Variants in KRT10 observed in about 807,000 individuals in gnomAD.
KRT10 encodes keratin 10.
KRT10 carries 40 observed loss-of-function variants against 59.2 expected under a neutral mutation model. The observed-to-expected ratio is 0.68, with a 90% CI of 0.52 to 0.88. The LOEUF is 0.88. KRT10 is among the 40% of genes least tolerant of loss of function. The pLI is 0.00. For synonymous variants in KRT10, 336 were observed against 310.7 expected, an observed-to-expected ratio of 1.08 and a Z score of -0.86; for missense variants, 719 against 749.1, an observed-to-expected ratio of 0.96 and a Z score of 0.47.
chr17:40,819,181 A>G lies in KRT10; in HGVS notation c.1374-20T>C, dbSNP rs1227574036. 6.3e-6 allele frequency: 10 copies of G among 1,594,284 alleles called. No homozygotes were observed. The highest frequency in any genetic ancestry group is 4.0e-5 in the African/African-American group (3 of 74,632). ...CCGGAACTAAACGGGGTGAGGTCAC[A>G]TTCGGTTATCTCTAACGTTGGAAAA... On this transcript the variant is annotated intron_variant, in intron 6 of 7. Transcript: ENST00000269576.
At chr17:40,820,216 A>T in intron 4 of KRT10, 42 bp from the exon 5 acceptor site, 1 of 1,614,172 alleles carries the variant, frequency 6.2e-7, no homozygotes, top group Admixed American at 1.7e-5. Flanking sequence ...GAAATTCTGA[A>T]ATGATAAAAC....
rs753787009 is a variant in KRT10, at chr17:40,822,103, C to T, written c.483G>A (p.Leu161=). The change falls in exon 1 of 8, where the codon TTG becomes TTA. Residue 161 remains leucine, a synonymous_variant. Coordinates refer to ENST00000269576, the MANE Select transcript of KRT10 (RefSeq NM_000421.5). ...ATTCTTCCAGAGCCCGAACTTTGTC[C>T]AAGTAGGAAGCCAGGCGGTCATTCA... The part of the protein sequence containing the change: ...QNLNDRLASY[L]DKVRALEESN... 9 of 1,614,054 alleles carry T rather than the reference C, an allele frequency of 5.6e-6. No homozygotes were observed. The South Asian group carries it at 9.9e-5, about 18-fold the overall frequency.
Position 40,822,329 on chromosome 17 carries a change from C to A in KRT10, c.257G>T (p.Arg86Leu). Residue 86 changes from arginine (R) to leucine (L), a missense_variant, in exon 1 of 8, where the codon CGT becomes CTT. Arg to Leu is a moderately radical substitution (Grantham distance 102). Coordinates refer to ENST00000269576, the MANE Select transcript of KRT10 (RefSeq NM_000421.5). ...GLGGFGGGSF[R>L]GSYGSSSFGG... Reference sequence around the variant, plus strand: ...AAAGCTGCTACTTCCATAGCTTCCACGAAAGCTACCTCCACCAAAACCTCC... The same window carrying A: ...AAAGCTGCTACTTCCATAGCTTCCAAGAAAGCTACCTCCACCAAAACCTCC... The A allele has an allele frequency of 6.3e-7, 1 of 1,596,112 alleles. No homozygotes were observed. The highest frequency in any genetic ancestry group is 8.5e-7 in the Non-Finnish European group (1 of 1,170,316).
chr17:40,818,506 T>A lies in KRT10; in HGVS notation c.1749-24A>T, dbSNP rs749432068. The A allele has an allele frequency of 2.5e-4, 372 of 1,470,302 alleles. No individual in the cohort carries two copies. Among genetic ancestry groups the A allele is most frequent in the Middle Eastern group, 5.1e-4 (3 of 5,828 alleles). 91.1% of individuals were successfully genotyped at this position (1,470,302 alleles called of 1,614,324 possible). A position where few individuals can be genotyped will look rare whatever the true frequency, so the allele number is the denominator to read the frequency against. On this transcript the variant is annotated intron_variant, in intron 7 of 7. Coordinates refer to ENST00000269576, the MANE Select transcript of KRT10 (RefSeq NM_000421.5). ...ATCTGTGTGAATGATGGAAAAAAAATTTTAAACAGTCTGTAGGGATCCTTA... is the reference window on the plus strand; with the variant it reads ...ATCTGTGTGAATGATGGAAAAAAAAATTTAAACAGTCTGTAGGGATCCTTA...
In KRT10 at chr17:40,820,111, T is replaced by A. The variant is rs1179494133; in HGVS notation, c.1093A>T (p.Ile365Phe). 1 of 1,613,786 alleles carries A rather than the reference T, an allele frequency of 6.2e-7. No homozygotes were observed. The change falls in exon 5 of 8, where the codon ATT (isoleucine) becomes TTT (phenylalanine). Residue 365 changes from isoleucine to phenylalanine, a missense_variant. By Grantham distance (21) the Ile-to-Phe change is conservative. This residue lies in a region of KRT10 where 221 missense variants were observed against 277.8 expected (regional missense o/e 0.80). Coordinates refer to ENST00000269576, the MANE Select transcript of KRT10 (RefSeq NM_000421.5). Reference sequence around the variant, plus strand: ...TGTACATTACGTCTCAATTCAGTAATCTCAGATTTATAGCTGGATATCTGT... The same window carrying A: ...TGTACATTACGTCTCAATTCAGTAAACTCAGATTTATAGCTGGATATCTGT... The part of the protein sequence containing the change: ...IEQISSYKSE[I>F]TELRRNVQAL...
chr17:40,819,052 AACTGCCGCCGTG>A lies in KRT10; in HGVS notation c.1471_1482del (p.His491_Ser494del), dbSNP rs1905209347. 7.5e-7 allele frequency: 1 copy of A among 1,332,490 alleles called. No homozygotes were observed. Among genetic ancestry groups the A allele is most frequent in the Non-Finnish European group, 9.8e-7 (1 of 1,025,376 alleles). The allele number at this position is 1,332,490 out of a possible 1,614,324, so 82.5% of individuals were successfully genotyped here. On this transcript the variant is annotated inframe_deletion, in exon 7 of 8. Transcript: ENST00000269576. ...CTTCCGCCTCCGTAGCCGCCGCCGG[AACTGCCGCCGTG>A]GCCGCCGCCGTGGCCGCCGCCGGAG...
intron 5 of KRT10, 132 bp from the exon 6 acceptor site, chr17:40,819,866 A>T (rs1186657425): frequency 1.8e-6 from 2 of 1,091,950 alleles, no homozygotes; most frequent in Non-Finnish European, 2.8e-6. Context: ...GTTTAATGGC[A>T]CCATTTCAGT....
rs151143129 is a variant in KRT10 at position 40,822,433 on chromosome 17, C to A, written c.153G>T (p.Gly51=). ...CACGGCTAAAAGAGCCACCACTGAA[C>A]CCCCCTGAGCTAAATCCTCCACCAA... is the stretch of plus-strand genomic sequence containing the variant. The part of the protein sequence containing the change: ...GSLGGGFSSG[G]FSGGSFSRGS... Residue 51 remains glycine (G), a synonymous_variant, in exon 1 of 8, where the codon GGG becomes GGT. Transcript: ENST00000269576. 2.2e-4 allele frequency: 349 copies of A among 1,613,896 alleles called. 3 individuals carry two copies. The African/African-American group carries it at 3.5e-3, about 16-fold the overall frequency.
chr17:40,819,458 C>T (rs975593240), intron 6 of KRT10, 59 bp downstream of exon 6: 8 of 1,493,530 alleles, frequency 5.4e-6, no homozygotes, highest in African/African-American at 1.4e-5. Context: ...TTAGATAAGC[C>T]TTGCTATCTG....
In KRT10 at chr17:40,819,047, G is replaced by C; in HGVS notation, c.1488C>G (p.Gly496=). The change falls in exon 7 of 8, where the codon GGC becomes GGG. Residue 496 remains glycine, a synonymous_variant. Transcript: ENST00000269576. ...GHGGGHGGSS[G]GGYGGGSSGG... ...CGGAGCTTCCGCCTCCGTAGCCGCC[G>C]CCGGAACTGCCGCCGTGGCCGCCGC... 1 of 1,347,856 alleles carries C rather than the reference G, an allele frequency of 7.4e-7. No homozygotes were observed. The highest frequency in any genetic ancestry group is 9.7e-7 in the Non-Finnish European group (1 of 1,029,728). The allele number at this position is 1,347,856 out of a possible 1,614,324, so 83.5% of individuals were successfully genotyped here.
chr17:40,819,386 C>T (rs1021079347), intron 6 of KRT10, 131 bp downstream of exon 6: 5 of 1,274,430 alleles, frequency 3.9e-6, no homozygotes, highest in South Asian at 1.3e-5. Context: ...GTTGCGTACT[C>T]CTTTTTCTGT....
At chr17:40,819,446 G>GTT (rs1279383805) in intron 6 of KRT10, 71 bp downstream of exon 6, 6 of 1,445,508 alleles carry the variant, frequency 4.2e-6, no homozygotes, top group Non-Finnish European at 5.8e-6. Flanking sequence ...TCTTCTTGGG[G>GTT]TTTAGATAAG....
At chr17:40,820,910 C>G in intron 2 of KRT10, 125 bp downstream of exon 2, 1 of 931,240 alleles carries the variant, frequency 1.1e-6, no homozygotes, top group South Asian at 1.4e-5. Context: ...TCAGATAACT[C>G]CAATACTATT....
chr17:40,821,057 C>T lies in KRT10; in HGVS notation c.688G>A (p.Ala230Thr), dbSNP rs1321082947. The change falls in exon 2 of 8, where the codon GCA becomes ACA. Residue 230 changes from alanine (A) to threonine (T), a missense_variant. Ala to Thr is a moderately conservative substitution (Grantham distance 58, BLOSUM62 0). Transcript: ENST00000269576. ...TACTTCAGCCTGAAGTCATCAGCTG[C>T]CAGCCTGGCATTGTCGATCTGAAGC... is the stretch of plus-strand genomic sequence containing the variant. Reference protein sequence around the residue: ...ILLQIDNARLAADDFRLKYEN... With the variant: ...ILLQIDNARLTADDFRLKYEN... 5.6e-6 allele frequency: 9 copies of T among 1,613,790 alleles called. No homozygotes were observed. The highest frequency in any genetic ancestry group is 6.8e-6 in the Non-Finnish European group (8 of 1,179,690).
At chr17:40,819,813 G>T (rs1597819184) in intron 5 of KRT10, 79 bp from the exon 6 acceptor site, 2 of 1,254,140 alleles carry the variant, frequency 1.6e-6, no homozygotes, top group South Asian at 2.4e-5. Flanking sequence ...ATTTAGTAAG[G>T]CATTATATAG....
In KRT10 at chr17:40,820,116, G is replaced by C. The variant is rs1905285219; in HGVS notation, c.1088C>G (p.Ser363Cys). 1.2e-6 allele frequency: 2 copies of C among 1,613,514 alleles called. No individual in the cohort carries two copies. The highest frequency in any genetic ancestry group is 3.3e-5 in the Admixed American group (2 of 59,998). The change falls in exon 5 of 8, where the codon TCT becomes TGT. Residue 363 changes from serine to cysteine, a missense_variant. Physicochemically the swap from Ser to Cys is moderately radical, Grantham distance 112. Transcript: ENST00000269576. ...ATTACGTCTCAATTCAGTAATCTCA[G>C]ATTTATAGCTGGATATCTGTTCAAT... Reference protein sequence around the residue: ...NNIEQISSYKSEITELRRNVQ... With the variant: ...NNIEQISSYKCEITELRRNVQ...
Position 40,820,379 on chromosome 17 carries a change from C to T in KRT10, c.912G>A (p.Val304=), listed in dbSNP as rs1359605351. 1.2e-6 allele frequency: 2 copies of T among 1,614,098 alleles called. No individual in the cohort carries two copies. Among genetic ancestry groups the T allele is most frequent in the East Asian group, 2.2e-5 (1 of 44,892 alleles). ...CAACACCCGGGGCAGCATTCATTTC[C>T]ACATTCACATCACCAGTGGACACAT... ...LRNVSTGDVN[V]EMNAAPGVDL... The change falls in exon 4 of 8, where the codon GTG becomes GTA. Residue 304 remains valine, a synonymous_variant. Coordinates refer to ENST00000269576, the MANE Select transcript of KRT10 (RefSeq NM_000421.5).
intron 2 of KRT10, 67 bp downstream of exon 2, chr17:40,820,968 C>T: frequency 8.0e-7 from 1 of 1,248,152 alleles, no homozygotes; most frequent in Non-Finnish European, 1.2e-6. Flanking sequence ...GAGGGCATCC[C>T]AAGTCATTGT....
In KRT10 at chr17:40,822,214, T is replaced by G; in HGVS notation, c.372A>C (p.Gly124=). The stretch of plus-strand genomic sequence containing the variant: ...CACCAAAGCCTCCTCCAAAGCCGCC[T>G]CCACCAAAGCCGCCTCCACCAAAGC... ...GGSFGGGGFG[G]GGFGGGFGGG... The change falls in exon 1 of 8, where the codon GGA becomes GGC. Residue 124 remains glycine, a synonymous_variant. Coordinates refer to ENST00000269576, the MANE Select transcript of KRT10 (RefSeq NM_000421.5). 1 of 1,611,272 alleles carries G rather than the reference T, an allele frequency of 6.2e-7. No homozygotes were observed. Among genetic ancestry groups the G allele is most frequent in the Non-Finnish European group, 8.5e-7 (1 of 1,177,908 alleles).
Sources: allele counts gnomAD v4.1 joint callset, GRCh38; gene constraint gnomAD v4.1.1; regional missense constraint gnomAD v4.1.1; transcripts MANE v1.5; gene names NCBI Gene and HGNC (gene_info 2026-07-23, HGNC 2026-07-21).